The following TENM4 variants were observed in gnomAD, a reference collection of about 807,000 sequenced individuals.
TENM4 encodes teneurin transmembrane protein 4, also known as teneurin-4.
Under a neutral mutation model 243.3 loss-of-function variants are expected in TENM4, and 82 were observed. The observed-to-expected ratio is 0.34, with a 90% CI of 0.28 to 0.40. The LOEUF (loss-of-function observed/expected upper bound fraction) is 0.40, where lower values mean the gene tolerates loss of function less well. Ranked by LOEUF, TENM4 falls within the 10% of genes least tolerant of loss-of-function variation. The pLI is 1.00. For missense variants in TENM4, 3,138 were observed against 3,673.3 expected (o/e 0.85, Z 3.77); for synonymous variants, 1,412 against 1,456.3 (o/e 0.97, Z 0.69).
At chr11:79,104,331 G>A (rs1158040244) in intron 4 of TENM4, among the ~76,000 whole-genome samples, 3 of 152,182 alleles carry the variant, frequency 2.0e-5, no homozygotes, top group African/African-American at 7.2e-5. Context: ...AAATAATAAG[G>A]ACTCCCTGTG....
chr11:78,715,327 AT>A (rs1188051948), intron 25 of TENM4, among the ~76,000 whole-genome samples: 1 of 151,944 alleles, frequency 6.6e-6, no homozygotes, highest in Non-Finnish European at 1.5e-5. Context: ...AGGCGGGGTG[AT>A]TTTTTTCATT....
chr11:78,664,360 G>C (rs751624398), intron 32 of TENM4, among the ~76,000 whole-genome samples: 1 of 151,948 alleles, frequency 6.6e-6, no homozygotes, highest in Non-Finnish European at 1.5e-5. Flanking sequence ...CTCAGCCTCC[G>C]GAGTAGCCAG....
Position 78,688,209 on chromosome 11 carries a change from C to T in TENM4, c.5105G>A (p.Arg1702His), listed in dbSNP as rs756075933. The change falls in exon 29 of 34, where the codon CGC becomes CAC. Residue 1702 changes from arginine (R) to histidine (H), a missense_variant. Arg to His is a conservative substitution (Grantham distance 29). This residue lies in a region of TENM4 where 2,467 missense variants were observed against 3,059.1 expected (regional missense o/e 0.81). Transcript: ENST00000278550. ...TTFYEYDSFG[R>H]LTNVTFPTGQ... The stretch of plus-strand genomic sequence containing the variant: ...AGTAGGGAAGGTCACATTTGTCAGG[C>T]GGCCAAAGCTGTCGTACCTGGAAAC... 11 of 1,612,974 alleles carry T rather than the reference C, an allele frequency of 6.8e-6. No homozygotes were observed. Among genetic ancestry groups the T allele is most frequent in the Middle Eastern group, 1.6e-4 (1 of 6,084 alleles).
intron 4 of TENM4, among the ~76,000 whole-genome samples, chr11:79,123,881 G>T (rs1021147871): frequency 3.3e-5 from 5 of 152,188 alleles, no homozygotes; most frequent in African/African-American, 1.2e-4. Flanking sequence ...AGAGCCTTTA[G>T]TGTGCTAGTG....
intron 6 of TENM4, among the ~76,000 whole-genome samples, chr11:78,907,892 A>G (rs969756787): frequency 1.1e-4 from 16 of 152,204 alleles, no homozygotes; most frequent in African/African-American, 4.8e-5. Context: ...CTGTGAATCA[A>G]GCCCAAATGT....
intron 2 of TENM4, among the ~76,000 whole-genome samples, chr11:79,278,379 G>C (rs1325484859): frequency 1.3e-5 from 2 of 152,198 alleles, no homozygotes; most frequent in Non-Finnish European, 2.9e-5. Context: ...TTTGACGGCT[G>C]TCCTACTGGC....
At chr11:78,855,390 T>G (rs1294843045) in intron 11 of TENM4, among the ~76,000 whole-genome samples, 2 of 152,070 alleles carry the variant, frequency 1.3e-5, no homozygotes. Context: ...CTGGACAAGG[T>G]TTTTTCAGTG....
chr11:79,077,801 A>C (rs141564836), intron 4 of TENM4, among the ~76,000 whole-genome samples: 346 of 152,342 alleles, frequency 2.3e-3, no homozygotes, highest in Admixed American at 3.9e-3. Flanking sequence ...GGTAAATGTA[A>C]GTGGACAGTA....
intron 6 of TENM4, among the ~76,000 whole-genome samples, chr11:78,934,624 TA>T (rs1458003351): frequency 1.3e-5 from 2 of 152,210 alleles, no homozygotes; most frequent in African/African-American, 4.8e-5. Context: ...AGAGTGAATT[TA>T]AAACAATTGC....
At position 78,891,348 on chromosome 11, in the gene TENM4, T is replaced by C; in HGVS notation, c.750-12A>G. On this transcript the variant is annotated splice_polypyrimidine_tract_variant and intron_variant, in intron 7 of 33. Coordinates refer to ENST00000278550, the MANE Select transcript of TENM4 (RefSeq NM_001098816.3). ...GCTTGCCTAGGTTTCTACGCACACA[T>C]GGAGACATGAATGAAGCAATGAGTC... 6.5e-7 allele frequency: 1 copy of C among 1,549,896 alleles called. No homozygotes were observed. The highest frequency in any genetic ancestry group is 1.2e-5 in the South Asian group (1 of 84,026).
chr11:79,112,723 G>A (rs1040061913), intron 4 of TENM4, among the ~76,000 whole-genome samples: 17 of 152,084 alleles, frequency 1.1e-4, no homozygotes, highest in African/African-American at 3.9e-4. Flanking sequence ...CATTCCTAGG[G>A]GATTGTTCCC....
At chr11:78,720,281 A>G in intron 25 of TENM4, 89 bp downstream of exon 25, 9 of 1,452,688 alleles carry the variant, frequency 6.2e-6, no homozygotes, top group Non-Finnish European at 8.7e-6. Flanking sequence ...CTTTTGCCAT[A>G]CAGCCATTTG....
chr11:79,249,808 G>A (rs1475400684), intron 2 of TENM4, among the ~76,000 whole-genome samples: 1 of 152,156 alleles, frequency 6.6e-6, no homozygotes, highest in Non-Finnish European at 1.5e-5. Flanking sequence ...GCAATCTCAG[G>A]AAGTTTTGAA....
chr11:78,800,769 G>A (rs1267330439), intron 15 of TENM4, among the ~76,000 whole-genome samples: 4 of 150,042 alleles, frequency 2.7e-5, no homozygotes, highest in African/African-American at 4.9e-5. Flanking sequence ...GAGAGAGATT[G>A]ATTAGAATAC....
intron 1 of TENM4, among the ~76,000 whole-genome samples, chr11:79,348,049 G>T (rs1246800820): frequency 6.6e-6 from 1 of 152,112 alleles, no homozygotes; most frequent in East Asian, 1.9e-4. Flanking sequence ...AAAGTGCTGG[G>T]ATTACAGGCG....
chr11:78,675,595 C>T (rs1166478718), intron 30 of TENM4, among the ~76,000 whole-genome samples: 1 of 152,184 alleles, frequency 6.6e-6, no homozygotes, highest in South Asian at 2.1e-4. Context: ...CAAAAGCACT[C>T]TGAATGTCAG....
At chr11:78,832,437 G>A (rs913430474) in intron 12 of TENM4, among the ~76,000 whole-genome samples, 3 of 152,208 alleles carry the variant, frequency 2.0e-5, no homozygotes, top group Non-Finnish European at 2.9e-5. Flanking sequence ...AGTGCTTTGC[G>A]TATGCACGCA....
chr11:79,347,762 C>CAT (rs1284387029), intron 1 of TENM4, among the ~76,000 whole-genome samples: 2 of 94,692 alleles, frequency 2.1e-5, no homozygotes, highest in South Asian at 3.8e-4. Context: ...CTATCCTCTC[C>CAT]TTTTTTTTTT....
rs61503457 is a variant in TENM4, at chr11:78,904,359, C to CAAAAAAAAAAAAAAAA, written c.494-852_494-837dup. ...TGAGCTACAGAGCAAGACTCTGTCT[C>CAAAAAAAAAAAAAAAA]AAAAAAAAAAAAAAAAGTAAAACAT... is the stretch of plus-strand genomic sequence containing the variant. On this transcript the variant is annotated intron_variant, in intron 6 of 33. Transcript: ENST00000278550. 4.0e-3 allele frequency among the ~76,000 whole-genome samples: 307 copies of CAAAAAAAAAAAAAAAA among 77,116 alleles called. 26 individuals are homozygous for CAAAAAAAAAAAAAAAA. Among genetic ancestry groups the CAAAAAAAAAAAAAAAA allele is most frequent in the African/African-American group, 0.021 (280 of 13,106 alleles). The allele number at this position is 77,116 out of a possible 152,430, so 50.6% of individuals were successfully genotyped here. A position where few individuals can be genotyped will look rare whatever the true frequency, so the allele number is the denominator to read the frequency against.
Sources: allele counts gnomAD v4.1 joint callset (sites outside exome capture counted in the v4.1 genomes callset), GRCh38; gene constraint gnomAD v4.1.1; regional missense constraint gnomAD v4.1.1; transcripts MANE v1.5; gene names NCBI Gene and HGNC (gene_info 2026-07-23, HGNC 2026-07-21).